Variants in CAND2 observed in about 807,000 individuals in gnomAD.
CAND2 encodes cullin associated and neddylation dissociated 2 (putative), also known as cullin-associated NEDD8-dissociated protein 2.
In CAND2, 62 loss-of-function variants were observed where a neutral mutation model predicts 98.9. That is an observed-to-expected ratio of 0.63 (90% CI 0.51 to 0.77). CAND2 has a LOEUF of 0.77. CAND2 is among the 30% of genes least tolerant of loss of function. The pLI, the probability that CAND2 is intolerant of heterozygous loss-of-function variation, is 0.00. For missense variants in CAND2, 1,501 were observed against 1,655.2 expected, an observed-to-expected ratio of 0.91 and a Z score of 1.62; for synonymous variants, 770 against 731.9, an observed-to-expected ratio of 1.05 and a Z score of -0.84.
Position 12,807,362 on chromosome 3 carries a change from C to T in CAND2, c.269C>T (p.Thr90Ile), listed in dbSNP as rs187232301. The T allele has an allele frequency of 4.2e-4, 646 of 1,551,748 alleles. No homozygotes were observed. Among genetic ancestry groups the T allele is most frequent in the Admixed American group, 1.5e-3 (74 of 51,008 alleles). ...TACCAGGTGGAGACCATTGTGGACA[C>T]CCTGTGCACCAACATGCGGTCAGAC... ...KEYQVETIVD[T>I]LCTNMRSDKE... Residue 90 changes from threonine (T) to isoleucine (I), a missense_variant, in exon 3 of 15, where the codon ACC (threonine) becomes ATC (isoleucine). Thr to Ile is a moderately conservative substitution (Grantham distance 89). Coordinates refer to ENST00000456430, the MANE Select transcript of CAND2 (RefSeq NM_001162499.2).
At position 12,817,873 on chromosome 3, in the gene CAND2, G is replaced by A; in HGVS notation, c.2941G>A (p.Ala981Thr). The change falls in exon 10 of 15, where the codon GCA becomes ACA. Residue 981 changes from alanine to threonine, a missense_variant. This residue lies in a region of CAND2 where 1,427 missense variants were observed against 1,545.3 expected (regional missense o/e 0.92). Transcript: ENST00000456430. ...GCCCCGCTTGCGGAAGCAGCTTGCTGCAGGTAGGCACACAGGTGTGGGCAA... is the reference window on the plus strand; with the variant it reads ...GCCCCGCTTGCGGAAGCAGCTTGCTACAGGTAGGCACACAGGTGTGGGCAA... ...LLPRLRKQLA[A>T]GRPHTRSTVI... 6.6e-7 allele frequency: 1 copy of A among 1,506,116 alleles called. No homozygotes were observed. Among genetic ancestry groups the A allele is most frequent in the Non-Finnish European group, 8.9e-7 (1 of 1,126,966 alleles). 93.3% of individuals were successfully genotyped at this position (1,506,116 alleles called of 1,614,324 possible). A position where few individuals can be genotyped will look rare whatever the true frequency, so the allele number is the denominator to read the frequency against.
intron 1 of CAND2, among the ~76,000 whole-genome samples, chr3:12,800,170 A>C (rs563995750): frequency 1.4e-3 from 212 of 152,340 alleles, no homozygotes; most frequent in African/African-American, 4.9e-3. Context: ...AGGTGGGCAC[A>C]GTCAGTCCTG....
At chr3:12,803,659 G>A (rs9835677) in intron 2 of CAND2, 28 bp downstream of exon 2, 859,966 of 1,565,374 alleles carry the variant, frequency 0.55, 247,416 homozygotes, top group Non-Finnish European at 0.6. Flanking sequence ...TGGAGCAGGA[G>A]AGGGGGCCCT....
At chr3:12,822,659 C>T (rs539022781) in intron 11 of CAND2, among the ~76,000 whole-genome samples, 5 of 152,166 alleles carry the variant, frequency 3.3e-5, no homozygotes, top group Middle Eastern at 3.4e-3. Context: ...AGATTCATTG[C>T]GAACCTCTCC....
Position 12,815,845 on chromosome 3 carries a change from G to T in CAND2, c.1300-22G>T. On this transcript the variant is annotated intron_variant, in intron 8 of 14. Coordinates refer to ENST00000456430, the MANE Select transcript of CAND2 (RefSeq NM_001162499.2). This position sits in a 1 kb window ranked among gnomAD's most constrained non-coding sequence, Gnocchi z 5.7. The stretch of plus-strand genomic sequence containing the variant: ...GGTTTCTTGGGTGTTCCCTGACCTT[G>T]ACTTCCCCCTCCTGCCCACAGGTGC... 1 of 1,607,382 alleles carries T rather than the reference G, an allele frequency of 6.2e-7. No homozygotes were observed. The highest frequency in any genetic ancestry group is 1.1e-5 in the South Asian group (1 of 90,814).
At position 12,818,334 on chromosome 3, in the gene CAND2, C is replaced by A. The variant is rs575985850; in HGVS notation, c.2944+458C>A. Among the ~76,000 whole-genome samples, 7 of 152,294 alleles carry A rather than the reference C, an allele frequency of 4.6e-5. No individual in the cohort carries two copies. In the East Asian group the frequency reaches 1.4e-3, roughly 29 times the overall value. ...CCTTGATGTGGACAGTAGCTTAGTG[C>A]TCCACACAGAGGTCAACAAAAACAG... On this transcript the variant is annotated intron_variant, in intron 10 of 14. Coordinates refer to ENST00000456430, the MANE Select transcript of CAND2 (RefSeq NM_001162499.2).
At chr3:12,798,639 C>CTAGT (rs2124829566) in intron 1 of CAND2, among the ~76,000 whole-genome samples, 1 of 152,304 alleles carries the variant, frequency 6.6e-6, no homozygotes, top group African/African-American at 2.4e-5. Context: ...GGGATTTGCG[C>CTAGT]TAGTGTCTCT....
At chr3:12,819,817 C>T (rs1435020619) in intron 10 of CAND2, among the ~76,000 whole-genome samples, 2 of 152,164 alleles carry the variant, frequency 1.3e-5, no homozygotes, top group Non-Finnish European at 2.9e-5. Context: ...TTTGTTGGAG[C>T]AGTTCCTGTC....
intron 12 of CAND2, among the ~76,000 whole-genome samples, chr3:12,827,199 G>A (rs1302277027): frequency 6.6e-6 from 1 of 152,210 alleles, no homozygotes; most frequent in African/African-American, 2.4e-5. Flanking sequence ...AGTCAGCACA[G>A]TGCCTGCCAC....
chr3:12,806,671 C>G (rs953910611), intron 2 of CAND2, among the ~76,000 whole-genome samples: 1 of 152,120 alleles, frequency 6.6e-6, no homozygotes, highest in South Asian at 2.1e-4. Flanking sequence ...AGGCCAAGAA[C>G]GAGGGCGTCT....
At chr3:12,832,355 T>C (rs2062061018) in intron 14 of CAND2, 1 of 152,222 alleles carries the variant, frequency 6.6e-6, no homozygotes, top group East Asian at 1.9e-4. Flanking sequence ...TTTGACAGTC[T>C]CTCATTTCTG....
rs1197967125 is a variant in CAND2, at chr3:12,833,768, C to T, written c.3497C>T (p.Ser1166Phe). The T allele has an allele frequency of 1.2e-6, 2 of 1,613,784 alleles. No homozygotes were observed. Among genetic ancestry groups the T allele is most frequent in the East Asian group, 2.2e-5 (1 of 44,890 alleles). Residue 1166 changes from serine (S) to phenylalanine (F), a missense_variant, in exon 15 of 15, where the codon TCT becomes TTT. Physicochemically the swap from Ser to Phe is radical, Grantham distance 155. Coordinates refer to ENST00000456430, the MANE Select transcript of CAND2 (RefSeq NM_001162499.2). Reference protein sequence around the residue: ...ATCTAKVKAGSVKQEFEKQDE... With the variant: ...ATCTAKVKAGFVKQEFEKQDE... ...TTCCTACTTTAGGTCAAAGCTGGTT[C>T]TGTGAAGCAGGAGTTTGAAAAGCAA...
chr3:12,813,987 G>A (rs2061875973), intron 7 of CAND2, among the ~76,000 whole-genome samples: 2 of 152,232 alleles, frequency 1.3e-5, no homozygotes, highest in Non-Finnish European at 2.9e-5. Flanking sequence ...TGGATTTAGA[G>A]CCTGATGGGG....
chr3:12,812,390 A>ATTTTTTTT (rs35620069), intron 5 of CAND2, among the ~76,000 whole-genome samples: 1 of 66,730 alleles, frequency 1.5e-5, no homozygotes, highest in Non-Finnish European at 2.7e-5. Flanking sequence ...TGCCCGGCTA[A>ATTTTTTTT]TTTTTTTTTT....
intron 14 of CAND2, among the ~76,000 whole-genome samples, chr3:12,833,426 A>G (rs3928631): frequency 0.78 from 119,118 of 152,078 alleles, 47,132 homozygotes; most frequent in African/African-American, 0.88. Flanking sequence ...GGATCCCTGC[A>G]GTCTGTAGGA....
chr3:12,834,139 G>C lies in CAND2; in HGVS notation c.*157G>C. On this transcript the variant is annotated 3_prime_UTR_variant, in exon 15 of 15. Coordinates refer to ENST00000456430, the MANE Select transcript of CAND2 (RefSeq NM_001162499.2). The stretch of plus-strand genomic sequence containing the variant: ...GTCAGGGCTTACAGTGCCTTCTCCA[G>C]GGACCCAACTCAAAGGCCCCCAGCC... 2 of 637,614 alleles carry C rather than the reference G, an allele frequency of 3.1e-6. No homozygotes were observed. The allele number at this position is 637,614 out of a possible 1,614,324, so 39.5% of individuals were successfully genotyped here.
In CAND2 at chr3:12,816,018, A is replaced by G. The variant is rs2061896401; in HGVS notation, c.1441+10A>G. ...CCTGTGCTGGTATCAGGTAGGCTGG[A>G]CTGCAACCAGGTATCTGCTGTTCTG... On this transcript the variant is annotated intron_variant, in intron 9 of 14. Coordinates refer to ENST00000456430, the MANE Select transcript of CAND2 (RefSeq NM_001162499.2). 7 of 1,612,214 alleles carry G rather than the reference A, an allele frequency of 4.3e-6. No individual in the cohort carries two copies. In the East Asian group the frequency reaches 1.3e-4, roughly 31 times the overall value.
chr3:12,831,497 C>T lies in CAND2; in HGVS notation c.3408C>T (p.Ala1136=). The T allele has an allele frequency of 6.2e-7, 1 of 1,614,084 alleles. No individual in the cohort carries two copies. Among genetic ancestry groups the T allele is most frequent in the Non-Finnish European group, 8.5e-7 (1 of 1,179,994 alleles). The change falls in exon 14 of 15, where the codon GCC becomes GCT. Residue 1136 remains alanine, a synonymous_variant. Transcript: ENST00000456430. ...MLTFIMVARL[A]TLCPAPVLQR... ...CCTTCATCATGGTTGCCCGGCTGGC[C>T]ACCCTGTGTCCTGCACCTGTCCTGC...
At position 12,813,380 on chromosome 3, in the gene CAND2, G is replaced by A. The variant is rs1258752066; in HGVS notation, c.998G>A (p.Ser333Asn). 4.3e-6 allele frequency: 7 copies of A among 1,613,468 alleles called. No individual in the cohort carries two copies. The highest frequency in any genetic ancestry group is 5.9e-6 in the Non-Finnish European group (7 of 1,179,648). The stretch of plus-strand genomic sequence containing the variant: ...ATGGAGACAGAGGATAGTGAATTCA[G>A]TGAGCAAGGTTGGTGGACAGCCCAT... ...EQMETEDSEF[S>N]EQESEDEYSD... The change falls in exon 7 of 15, where the codon AGT becomes AAT. Residue 333 changes from serine (S) to asparagine (N), a missense_variant. Physicochemically the swap from Ser to Asn is conservative, Grantham distance 46. Around this residue, in one of 3 missense-constraint regions of CAND2, gnomAD observed 1,427 missense variants for 1,545.3 expected, o/e 0.92. Transcript: ENST00000456430.
Sources: allele counts gnomAD v4.1 joint callset (sites outside exome capture counted in the v4.1 genomes callset), GRCh38; gene constraint gnomAD v4.1.1; regional missense constraint gnomAD v4.1.1; non-coding constraint Gnocchi (gnomAD v3.1); transcripts MANE v1.5; gene names NCBI Gene and HGNC (gene_info 2026-07-23, HGNC 2026-07-21).